TNS3: variants seen among roughly 807,000 people sequenced by gnomAD.
TNS3 encodes tensin 3.
A neutral mutation model predicts 140.9 loss-of-function variants in TNS3; 45 were observed. The observed-to-expected ratio is 0.32, with a 90% CI of 0.25 to 0.41. The LOEUF is 0.41. Ranked by LOEUF, TNS3 falls within the 10% of genes least tolerant of loss-of-function variation. TNS3 has a pLI of 1.00. For synonymous variants in TNS3, 815 were observed against 788.4 expected, an observed-to-expected ratio of 1.03 and a Z score of -0.56; for missense variants, 1,716 against 1,906.7, an observed-to-expected ratio of 0.90 and a Z score of 1.86.
At chr7:47,501,122 G>T (rs1411206603) in intron 3 of TNS3, among the ~76,000 whole-genome samples, 1 of 135,298 alleles carries the variant, frequency 7.4e-6, no homozygotes, top group African/African-American at 2.8e-5. Context: ...AAAGGGAGAA[G>T]AGGAGAAAGG....
At chr7:47,527,076 C>A (rs1271501652) in intron 2 of TNS3, among the ~76,000 whole-genome samples, 8 of 148,088 alleles carry the variant, frequency 5.4e-5, no homozygotes, top group Non-Finnish European at 6.0e-5. Flanking sequence ...ATTAAAAATA[C>A]AAAAAAAAAA....
intron 1 of TNS3, among the ~76,000 whole-genome samples, chr7:47,564,366 G>T (rs1052846241): frequency 1.3e-5 from 2 of 151,924 alleles, no homozygotes; most frequent in Non-Finnish European, 2.9e-5. Flanking sequence ...TGCTGGGCGT[G>T]GTGACTCATG....
chr7:47,506,812 G>GT, intron 3 of TNS3, 95 bp downstream of exon 3: 4 of 964,140 alleles, frequency 4.1e-6, no homozygotes, highest in Non-Finnish European at 5.6e-6. Context: ...TTTTCTTTCC[G>GT]TGGCTGCAGT....
intron 16 of TNS3, among the ~76,000 whole-genome samples, chr7:47,387,955 A>G (rs971730140): frequency 1.3e-5 from 2 of 152,206 alleles, no homozygotes; most frequent in Non-Finnish European, 2.9e-5. Context: ...TCTTTCCCCG[A>G]CTTGGCACAA....
In TNS3 at chr7:47,459,040, T is replaced by G. The variant is rs141937150; in HGVS notation, c.-75-16985A>C. Among the ~76,000 whole-genome samples, 827 of 152,352 alleles carry G rather than the reference T, an allele frequency of 5.4e-3. 14 individuals carry two copies. Among genetic ancestry groups the G allele is most frequent in the African/African-American group, 0.018 (763 of 41,580 alleles). On this transcript the variant is annotated intron_variant, in intron 4 of 30. Transcript: ENST00000311160. ...TATTTAAAAGCCAAATGGTGCTTTA[T>G]GTCCATATCACTATATTTTCTTCTG...
intron 4 of TNS3, among the ~76,000 whole-genome samples, chr7:47,467,742 A>G (rs1481175331): frequency 1.3e-5 from 2 of 152,160 alleles, no homozygotes; most frequent in Non-Finnish European, 2.9e-5. Context: ...TTCATAGCCA[A>G]GCAACCCCCA....
In TNS3 at chr7:47,415,013, C is replaced by T. The variant is rs184484288; in HGVS notation, c.586+81G>A. The T allele has an allele frequency of 4.5e-3, 4,711 of 1,046,574 alleles. 22 individuals carry two copies. Among genetic ancestry groups the T allele is most frequent in the South Asian group, 9.2e-3 (627 of 68,504 alleles). 64.8% of individuals were successfully genotyped at this position (1,046,574 alleles called of 1,614,324 possible). A position where few individuals can be genotyped will look rare whatever the true frequency, so the allele number is the denominator to read the frequency against. ...GGCCCTCTCGGAAGGAAAGCCGAGG[C>T]TTATCTAAATTGAGGGGCCCAGGAC... On this transcript the variant is annotated intron_variant, in intron 11 of 30. Transcript: ENST00000311160.
At chr7:47,576,663 T>A (rs1342993877) in intron 1 of TNS3, among the ~76,000 whole-genome samples, 1 of 152,218 alleles carries the variant, frequency 6.6e-6, no homozygotes, top group African/African-American at 2.4e-5. Flanking sequence ...AGGACGCAGA[T>A]GCCCCTGCTA....
At chr7:47,452,805 G>A (rs555670131) in intron 4 of TNS3, 34 of 499,172 alleles carry the variant, frequency 6.8e-5, no homozygotes, top group African/African-American at 6.6e-4. Context: ...GGGGAAAAAT[G>A]ACTTGGAAAT....
At chr7:47,460,464 C>T (rs1388164857) in intron 4 of TNS3, among the ~76,000 whole-genome samples, 2 of 152,174 alleles carry the variant, frequency 1.3e-5, no homozygotes, top group Admixed American at 1.3e-4. Context: ...ACTAAGACGA[C>T]ATCTGAAAGC....
At chr7:47,562,674 C>T (rs1188857989) in intron 1 of TNS3, among the ~76,000 whole-genome samples, 1 of 152,098 alleles carries the variant, frequency 6.6e-6, no homozygotes, top group African/African-American at 2.4e-5. Context: ...CATGAGCCAC[C>T]GCACCAGGCC....
intron 9 of TNS3, among the ~76,000 whole-genome samples, chr7:47,426,868 G>A (rs1424404614): frequency 6.6e-6 from 1 of 152,112 alleles, no homozygotes; most frequent in South Asian, 2.1e-4. Context: ...GCTCACACCT[G>A]TAATCCCAGC....
chr7:47,323,224 G>C (rs1562593324), intron 20 of TNS3, among the ~76,000 whole-genome samples: 1 of 152,150 alleles, frequency 6.6e-6, no homozygotes, highest in East Asian at 1.9e-4. Flanking sequence ...CCCTATCTTA[G>C]TGTCATATAA....
intron 3 of TNS3, among the ~76,000 whole-genome samples, chr7:47,491,294 CT>C (rs1483234814): frequency 1.3e-5 from 2 of 152,220 alleles, no homozygotes; most frequent in East Asian, 3.9e-4. Flanking sequence ...CCCAGAGTGA[CT>C]GGACAGAACC....
chr7:47,415,929 T>A (rs1794056758), intron 10 of TNS3, among the ~76,000 whole-genome samples: 2 of 152,238 alleles, frequency 1.3e-5, no homozygotes, highest in African/African-American at 4.8e-5. Context: ...GGGGTCCTCA[T>A]GAGGCATGAC....
At chr7:47,455,978 A>C (rs1463789015) in intron 4 of TNS3, among the ~76,000 whole-genome samples, 1 of 152,246 alleles carries the variant, frequency 6.6e-6, no homozygotes, top group Non-Finnish European at 1.5e-5. Flanking sequence ...TGCATGAGAA[A>C]GAGGCTCAAG....
intron 16 of TNS3, among the ~76,000 whole-genome samples, chr7:47,387,289 G>C (rs1792129754): frequency 6.6e-6 from 1 of 152,232 alleles, no homozygotes; most frequent in Non-Finnish European, 1.5e-5. Context: ...GATGGAGAGA[G>C]ACTGGGGCTG....
intron 1 of TNS3, among the ~76,000 whole-genome samples, chr7:47,571,081 T>C (rs1800543775): frequency 6.6e-6 from 1 of 152,080 alleles, no homozygotes; most frequent in African/African-American, 2.4e-5. Context: ...CAGTCTGTCT[T>C]GGGGGGCCCA....
intron 18 of TNS3, among the ~76,000 whole-genome samples, 162 bp downstream of exon 18, chr7:47,346,025 A>G (rs1448990561): frequency 1.3e-5 from 2 of 152,196 alleles, no homozygotes; most frequent in East Asian, 3.9e-4. Context: ...GGTACAGAGG[A>G]GCCACGACCA....
Sources: allele counts gnomAD v4.1 joint callset (sites outside exome capture counted in the v4.1 genomes callset), GRCh38; gene constraint gnomAD v4.1.1; transcripts MANE v1.5; gene names NCBI Gene and HGNC (gene_info 2026-07-23, HGNC 2026-07-21).